The following ZNF532 variants were observed in gnomAD, a reference collection of about 807,000 sequenced individuals.
ZNF532 encodes zinc finger protein 532.
Under a neutral mutation model 89.3 loss-of-function variants are expected in ZNF532, and 22 were observed. The observed-to-expected ratio is 0.25, with a 90% CI of 0.18 to 0.35. ZNF532 has a LOEUF of 0.35. Ranked by LOEUF, ZNF532 falls within the 10% of genes least tolerant of loss-of-function variation. The pLI, the probability that ZNF532 is intolerant of heterozygous loss-of-function variation, is 1.00. For synonymous variants in ZNF532, 606 were observed against 649.6 expected, an observed-to-expected ratio of 0.93 and a Z score of 1.02; for missense variants, 1,132 against 1,643.4, an observed-to-expected ratio of 0.69 and a Z score of 5.38.
chr18:58,965,313 G>GC (rs890665422), intron 7 of ZNF532, among the ~76,000 whole-genome samples: 2 of 152,282 alleles, frequency 1.3e-5, no homozygotes, highest in African/African-American at 4.8e-5. Flanking sequence ...TCTCATTGCA[G>GC]CAGGCTCCTG....
chr18:58,888,889 T>TATATATATATATA (rs1555709716), intron 2 of ZNF532, among the ~76,000 whole-genome samples: 1 of 39,436 alleles, frequency 2.5e-5, no homozygotes, highest in Non-Finnish European at 4.1e-5. Context: ...TATATATATA[T>TATATATATATATA]TTTATATATA....
chr18:58,977,109 A>T (rs555353877), intron 7 of ZNF532, among the ~76,000 whole-genome samples: 2 of 152,260 alleles, frequency 1.3e-5, no homozygotes, highest in South Asian at 4.1e-4. Flanking sequence ...CAGCATTGGT[A>T]TAACTTTTAA....
At chr18:58,941,329 ATG>A (rs979826518) in intron 5 of ZNF532, among the ~76,000 whole-genome samples, 5 of 152,164 alleles carry the variant, frequency 3.3e-5, no homozygotes, top group Non-Finnish European at 7.3e-5. Flanking sequence ...ATTGTCAGAA[ATG>A]TGTGTGACAT....
chr18:58,870,036 G>A (rs1024940441), intron 2 of ZNF532, among the ~76,000 whole-genome samples: 34 of 150,710 alleles, frequency 2.3e-4, no homozygotes, highest in African/African-American at 7.1e-4. Context: ...AGAGTGCTGG[G>A]ATTACAGGTG....
At chr18:58,982,404 T>C (rs1476926931) in intron 9 of ZNF532, among the ~76,000 whole-genome samples, 1 of 149,362 alleles carries the variant, frequency 6.7e-6, no homozygotes, top group East Asian at 2.0e-4. Flanking sequence ...GCAGATCACT[T>C]GAGGCTAGGA....
intron 9 of ZNF532, among the ~76,000 whole-genome samples, chr18:58,983,628 C>G (rs1171109538): frequency 6.6e-6 from 1 of 152,250 alleles, no homozygotes; most frequent in Non-Finnish European, 1.5e-5. Flanking sequence ...TGGCCCTCAT[C>G]CCACCCTGCT....
At position 58,918,780 on chromosome 18, in the gene ZNF532, A is replaced by G. The variant is rs762180435; in HGVS notation, c.493A>G (p.Thr165Ala). ...ATCAAGCTTCAGGTCGAATGTGTTG[A>G]CGGGGTCGGCTCCCCAGCAGGACTA... ...MRSSFRSNVL[T>A]GSAPQQDYDK... is the part of the protein sequence containing the mutation. The change falls in exon 3 of 10, where the codon ACG becomes GCG. Residue 165 changes from threonine (T) to alanine (A), a missense_variant. By Grantham distance (58) the Thr-to-Ala change is moderately conservative (BLOSUM62 0). Coordinates refer to ENST00000591808, the MANE Select transcript of ZNF532 (RefSeq NM_001375912.1). The G allele has an allele frequency of 2.5e-6, 4 of 1,614,124 alleles. No homozygotes were observed. The East Asian group carries it at 6.7e-5, about 27-fold the overall frequency.
At chr18:58,977,277 T>G (rs1435348457) in intron 7 of ZNF532, among the ~76,000 whole-genome samples, 1 of 152,218 alleles carries the variant, frequency 6.6e-6, no homozygotes, top group Non-Finnish European at 1.5e-5. Flanking sequence ...GAGCATTTCC[T>G]GAGCGATGTG....
chr18:58,898,499 C>G (rs1010427052), intron 2 of ZNF532, among the ~76,000 whole-genome samples: 2 of 152,200 alleles, frequency 1.3e-5, no homozygotes, highest in African/African-American at 4.8e-5. Context: ...CCTGTGTTCA[C>G]CCAGGTCCTT....
At chr18:58,868,857 G>T (rs763403136) in intron 2 of ZNF532, among the ~76,000 whole-genome samples, 5 of 152,190 alleles carry the variant, frequency 3.3e-5, no homozygotes, top group Non-Finnish European at 7.3e-5. Context: ...AGACAGTCTT[G>T]TCATTGTGCA....
At chr18:58,891,277 C>T (rs2058882410) in intron 2 of ZNF532, among the ~76,000 whole-genome samples, 1 of 152,036 alleles carries the variant, frequency 6.6e-6, no homozygotes, top group African/African-American at 2.4e-5. Flanking sequence ...CGCCTGTAAT[C>T]CCAGCACTTT....
chr18:58,934,238 A>G, intron 3 of ZNF532, 195 bp from the exon 4 acceptor site: 1 of 522,950 alleles, frequency 1.9e-6, no homozygotes, highest in Non-Finnish European at 3.4e-6. Context: ...GATAGCACAT[A>G]CTGTGATTTT....
At chr18:58,876,740 T>C (rs985620138) in intron 2 of ZNF532, among the ~76,000 whole-genome samples, 2 of 152,216 alleles carry the variant, frequency 1.3e-5, no homozygotes, top group African/African-American at 4.8e-5. Flanking sequence ...TCATGAAGAC[T>C]GTCAGGCCTT....
chr18:58,883,520 A>G (rs1394113112), intron 2 of ZNF532, among the ~76,000 whole-genome samples: 1 of 152,164 alleles, frequency 6.6e-6, no homozygotes, highest in Non-Finnish European at 1.5e-5. Context: ...TACTGTCTGT[A>G]TACTAGGACA....
At chr18:58,961,122 T>C (rs1172330014) in intron 7 of ZNF532, among the ~76,000 whole-genome samples, 1 of 152,232 alleles carries the variant, frequency 6.6e-6, no homozygotes, top group African/African-American at 2.4e-5. Flanking sequence ...CAGAATTAAC[T>C]GGAAGGCTTG....
At chr18:58,920,736 G>GT (rs1491291536) in intron 3 of ZNF532, 103 bp downstream of exon 3, 1 of 1,292 alleles carries the variant, frequency 7.7e-4, no homozygotes, top group African/African-American at 9.1e-3. Flanking sequence ...TGAAATGGAC[G>GT]TGTGTGTGTG....
intron 2 of ZNF532, among the ~76,000 whole-genome samples, chr18:58,898,702 C>T (rs190452714): frequency 3.5e-4 from 53 of 152,320 alleles, no homozygotes; most frequent in Non-Finnish European, 6.3e-4. Context: ...ATCGTATTCC[C>T]TCACACCTTG....
chr18:58,906,670 T>C (rs1049354670), intron 2 of ZNF532, among the ~76,000 whole-genome samples: 4 of 152,202 alleles, frequency 2.6e-5, no homozygotes, highest in Admixed American at 6.5e-5. Flanking sequence ...CACTTTCTTC[T>C]TTTTCCTATC....
chr18:58,961,550 T>C (rs527822912), intron 7 of ZNF532, among the ~76,000 whole-genome samples: 2 of 152,340 alleles, frequency 1.3e-5, no homozygotes, highest in East Asian at 3.9e-4. Context: ...GAATGAATTA[T>C]GTGAGCAGCC....
Sources: gnomAD v4.1 joint callset for allele counts (sites outside exome capture counted in the v4.1 genomes callset) on GRCh38, gnomAD v4.1.1 for gene constraint, MANE v1.5 for transcripts, NCBI Gene and HGNC (gene_info 2026-07-23, HGNC 2026-07-21) for gene names.